Variants in RASEF observed in about 807,000 individuals in gnomAD.
RASEF encodes the protein ras and EF-hand domain-containing protein.
RASEF carries 68 observed loss-of-function variants against 90.1 expected under a neutral mutation model. That is an observed-to-expected ratio of 0.75 (90% confidence interval 0.62 to 0.92). The LOEUF (loss-of-function observed/expected upper bound fraction) is 0.92, where lower values mean the gene tolerates loss of function less well. Ranked by LOEUF, RASEF falls within the 40% of genes least tolerant of loss-of-function variation. The probability of loss-of-function intolerance (pLI) is 0.00; values close to 1 mark genes in which losing one functional copy is unlikely to be tolerated. For synonymous variants in RASEF, 331 were observed against 345.2 expected, an observed-to-expected ratio of 0.96 and a Z score of 0.46; for missense variants, 949 against 937.2, an observed-to-expected ratio of 1.01 and a Z score of -0.16.
chr9:83,062,494 C>A lies in RASEF; in HGVS notation c.374G>T (p.Gly125Val). 1 of 1,611,574 alleles carries A rather than the reference C, an allele frequency of 6.2e-7. No homozygotes were observed. The highest frequency in any genetic ancestry group is 8.5e-7 in the Non-Finnish European group (1 of 1,179,290). ...CGCCTGGAAATCCTGCCAAGCCCGG[C>A]CGGGACTCGCCGGGCCGCACGAGGT... ...LATSCGPASP[G>V]RAWQDFQARL... The change falls in exon 1 of 17, where the codon GGC becomes GTC. Residue 125 changes from glycine (G) to valine (V), a missense_variant. By Grantham distance (109) the Gly-to-Val change is moderately radical (BLOSUM62 -3). Around this residue, in one of 3 missense-constraint regions of RASEF, gnomAD observed 656 missense variants for 592.2 expected, o/e 1.11. Coordinates refer to ENST00000376447, the MANE Select transcript of RASEF (RefSeq NM_152573.4).
the RASEF span, among the ~76,000 whole-genome samples, chr9:83,126,589 A>T: frequency 6.6e-6 from 1 of 152,100 alleles, no homozygotes; most frequent in Non-Finnish European, 1.5e-5. Context: ...TTTCATTCCT[A>T]TTACTGCTTC....
rs539719248 is a variant in RASEF at position 83,000,354 on chromosome 9, C to G, written c.1576-38G>C. 6.2e-6 allele frequency: 10 copies of G among 1,611,174 alleles called. No homozygotes were observed. The South Asian group carries it at 1.1e-4, about 18-fold the overall frequency. On this transcript the variant is annotated intron_variant, in intron 11 of 16. Transcript: ENST00000376447. ...GCCACAGTGAATGATAACGGTATTG[C>G]CAGTTTTCATCCTAATAAGTAACAC...
chr9:83,064,135 A>G (rs1198992958), upstream of RASEF, among the ~76,000 whole-genome samples: 1 of 152,188 alleles, frequency 6.6e-6, no homozygotes. Flanking sequence ...AAGGGATATT[A>G]CTGACACGTT....
At chr9:83,112,455 C>T in the RASEF span, among the ~76,000 whole-genome samples, 4 of 152,236 alleles carry the variant, frequency 2.6e-5, no homozygotes, top group South Asian at 2.1e-4. Context: ...GAGGCCGAGG[C>T]GGGTGAATCA....
intron 3 of RASEF, among the ~76,000 whole-genome samples, chr9:83,021,520 C>T (rs1408045031): frequency 6.6e-6 from 1 of 152,178 alleles, no homozygotes; most frequent in Non-Finnish European, 1.5e-5. Context: ...TAACATATCA[C>T]TTTCAACTTT....
chr9:83,180,479 A>T, the RASEF span, among the ~76,000 whole-genome samples: 1 of 135,538 alleles, frequency 7.4e-6, no homozygotes, highest in Non-Finnish European at 1.7e-5. Context: ...ATGCGTAAAC[A>T]TTACTTTTTT....
chr9:83,069,933 A>G, the RASEF span, among the ~76,000 whole-genome samples: 6 of 152,294 alleles, frequency 3.9e-5, no homozygotes, highest in South Asian at 2.1e-4. Flanking sequence ...TCATATGTCT[A>G]TCAACCATTC....
chr9:83,157,399 T>C, the RASEF span, among the ~76,000 whole-genome samples: 1 of 152,192 alleles, frequency 6.6e-6, no homozygotes, highest in Non-Finnish European at 1.5e-5. Context: ...GGAGTTGGTT[T>C]GTTACTGTAG....
chr9:83,046,703 G>A (rs772119807), intron 1 of RASEF, among the ~76,000 whole-genome samples: 2 of 152,190 alleles, frequency 1.3e-5, no homozygotes, highest in African/African-American at 2.4e-5. Flanking sequence ...AGAGCAGACT[G>A]TAATTCTGTT....
chr9:83,191,657 T>A, the RASEF span, among the ~76,000 whole-genome samples: 1 of 152,192 alleles, frequency 6.6e-6, no homozygotes, highest in Non-Finnish European at 1.5e-5. Context: ...TGGAAGCTCA[T>A]GATGTTTAAA....
At chr9:83,216,395 C>A in the RASEF span, among the ~76,000 whole-genome samples, 1 of 152,130 alleles carries the variant, frequency 6.6e-6, no homozygotes, top group African/African-American at 2.4e-5. Flanking sequence ...GCCCTGTGTC[C>A]CAGCTGCTCC....
chr9:83,100,300 G>A, the RASEF span, among the ~76,000 whole-genome samples: 1 of 152,144 alleles, frequency 6.6e-6, no homozygotes, highest in Non-Finnish European at 1.5e-5. Flanking sequence ...TGCTTCTTCA[G>A]AGAGCATTCA....
chr9:83,048,758 C>A (rs923255546), intron 1 of RASEF: 26 of 982,680 alleles, frequency 2.6e-5, no homozygotes, highest in Non-Finnish European at 3.0e-5. Flanking sequence ...TTATGTTTTC[C>A]GTCCTATATA....
chr9:82,999,539 A>G (rs1817576631), intron 12 of RASEF, among the ~76,000 whole-genome samples: 1 of 152,090 alleles, frequency 6.6e-6, no homozygotes, highest in South Asian at 2.1e-4. Flanking sequence ...TACATGCTGA[A>G]TAAATGAATC....
chr9:83,095,997 A>G, the RASEF span, among the ~76,000 whole-genome samples: 1 of 152,166 alleles, frequency 6.6e-6, no homozygotes, highest in Non-Finnish European at 1.5e-5. Context: ...TCTGTCAGCA[A>G]CCACTCACAT....
the RASEF span, among the ~76,000 whole-genome samples, chr9:83,127,893 G>A: frequency 3.3e-5 from 5 of 152,120 alleles, no homozygotes; most frequent in African/African-American, 4.8e-5. Context: ...ACCTGCTAGT[G>A]ATGGACAATA....
At chr9:83,152,630 G>C in the RASEF span, among the ~76,000 whole-genome samples, 1 of 152,102 alleles carries the variant, frequency 6.6e-6, no homozygotes. Context: ...AATACCAAGT[G>C]GTTCCTTCCT....
the RASEF span, among the ~76,000 whole-genome samples, chr9:83,172,099 A>G: frequency 6.6e-6 from 1 of 151,722 alleles, no homozygotes. Flanking sequence ...TAGGTATGGT[A>G]TGTTGTGTTT....
At chr9:83,177,151 G>A in the RASEF span, among the ~76,000 whole-genome samples, 1 of 152,066 alleles carries the variant, frequency 6.6e-6, no homozygotes, top group African/African-American at 2.4e-5. Context: ...AATAAAAGGG[G>A]AATAAATGTG....
Sources: gnomAD v4.1 joint callset for allele counts (sites outside exome capture counted in the v4.1 genomes callset) on GRCh38, gnomAD v4.1.1 for gene constraint, gnomAD v4.1.1 regional missense constraint, MANE v1.5 for transcripts, NCBI Gene and HGNC (gene_info 2026-07-23, HGNC 2026-07-21) for gene names.